PHF21B: variants seen among roughly 807,000 people sequenced by gnomAD.
PHF21B encodes the protein PHD finger protein 4.
PHF21B carries 22 observed loss-of-function variants against 62.2 expected under a neutral mutation model. The observed-to-expected ratio is 0.35, with a 90% CI of 0.25 to 0.51. The LOEUF is 0.51. Ranked by LOEUF, PHF21B falls within the 20% of genes least tolerant of loss-of-function variation. The pLI is 0.97. For missense variants in PHF21B, 701 were observed against 707.9 expected (o/e 0.99, Z 0.11); for synonymous variants, 341 against 314.7 (o/e 1.08, Z -0.88).
intron 2 of PHF21B, among the ~76,000 whole-genome samples, chr22:44,978,018 G>A (rs1298548627): frequency 6.6e-6 from 1 of 152,146 alleles, no homozygotes; most frequent in African/African-American, 2.4e-5. Flanking sequence ...TTTCCTTGCT[G>A]TAGACACAGT....
chr22:44,985,399 G>A (rs1226676136), intron 2 of PHF21B, among the ~76,000 whole-genome samples: 3 of 152,152 alleles, frequency 2.0e-5, no homozygotes, highest in African/African-American at 2.4e-5. Flanking sequence ...GATACATGAA[G>A]AAGTCAAGGC....
chr22:44,905,577 C>T (rs5766175), intron 5 of PHF21B, among the ~76,000 whole-genome samples: 72,959 of 152,070 alleles, frequency 0.48, 19,067 homozygotes, highest in East Asian at 0.73. Context: ...TGAGATCTCG[C>T]ATATGTTAGA....
At chr22:44,982,098 T>G (rs1034768770) in intron 2 of PHF21B, among the ~76,000 whole-genome samples, 1 of 152,174 alleles carries the variant, frequency 6.6e-6, no homozygotes, top group Non-Finnish European at 1.5e-5. Context: ...TAGGGGGTCA[T>G]GGCACACAGG....
chr22:44,890,685 G>A (rs1204389296), intron 8 of PHF21B, among the ~76,000 whole-genome samples: 1 of 152,270 alleles, frequency 6.6e-6, no homozygotes, highest in Non-Finnish European at 1.5e-5. Flanking sequence ...TGAATGCAAG[G>A]ATGTGGCTCC....
intron 5 of PHF21B, among the ~76,000 whole-genome samples, chr22:44,906,116 G>A (rs1569218759): frequency 6.6e-6 from 1 of 152,170 alleles, no homozygotes; most frequent in Non-Finnish European, 1.5e-5. Context: ...AACCAAGGGT[G>A]TGGGTCCCTG....
intron 2 of PHF21B, among the ~76,000 whole-genome samples, chr22:44,929,375 C>T (rs962810243): frequency 2.0e-5 from 3 of 152,222 alleles, no homozygotes; most frequent in Non-Finnish European, 4.4e-5. Flanking sequence ...CCAGACATCC[C>T]GCCTTCATGA....
intron 6 of PHF21B, 96 bp downstream of exon 6, chr22:44,895,936 T>C: frequency 7.3e-7 from 1 of 1,360,660 alleles, no homozygotes; most frequent in Non-Finnish European, 1.0e-6. Context: ...CGGCTGCTGC[T>C]GAAGCCCAGA....
chr22:44,991,229 G>T (rs559127346), intron 2 of PHF21B, among the ~76,000 whole-genome samples: 1 of 152,192 alleles, frequency 6.6e-6, no homozygotes, highest in South Asian at 2.1e-4. Context: ...AGGCAAAAAA[G>T]CTTGATGTGC....
chr22:44,891,109 C>A (rs1221475901), intron 8 of PHF21B, among the ~76,000 whole-genome samples, 197 bp downstream of exon 8: 1 of 152,184 alleles, frequency 6.6e-6, no homozygotes, highest in Non-Finnish European at 1.5e-5. Flanking sequence ...GGCCACAGCT[C>A]CAAGCTCACA....
intron 2 of PHF21B, among the ~76,000 whole-genome samples, chr22:44,945,610 G>C (rs963701759): frequency 3.3e-5 from 5 of 152,108 alleles, no homozygotes; most frequent in African/African-American, 9.7e-5. Context: ...AGGGCAATGA[G>C]TGCCTCCAGA....
intron 2 of PHF21B, among the ~76,000 whole-genome samples, chr22:44,988,864 T>G (rs2072996970): frequency 6.6e-6 from 1 of 152,216 alleles, no homozygotes; most frequent in African/African-American, 2.4e-5. Flanking sequence ...GAAGTCCACG[T>G]GGAGGGCCCC....
intron 2 of PHF21B, among the ~76,000 whole-genome samples, chr22:44,954,659 A>G (rs945759039): frequency 6.6e-6 from 1 of 152,248 alleles, no homozygotes; most frequent in African/African-American, 2.4e-5. Context: ...AGATTCACCA[A>G]GCAGTAATTA....
At chr22:44,923,403 C>A (rs2071572652) in intron 2 of PHF21B, among the ~76,000 whole-genome samples, 1 of 147,844 alleles carries the variant, frequency 6.8e-6, no homozygotes, top group Non-Finnish European at 1.5e-5. Flanking sequence ...ACTGCTCGAA[C>A]AAAATGTCTC....
At chr22:44,902,654 C>T (rs1277380072) in intron 5 of PHF21B, among the ~76,000 whole-genome samples, 1 of 152,094 alleles carries the variant, frequency 6.6e-6, no homozygotes, top group African/African-American at 2.4e-5. Context: ...AGCCACTTAG[C>T]CATCTCTTCC....
At chr22:44,956,990 G>A (rs910687842) in intron 2 of PHF21B, among the ~76,000 whole-genome samples, 2 of 152,180 alleles carry the variant, frequency 1.3e-5, no homozygotes, top group Admixed American at 6.5e-5. Flanking sequence ...CCTCAGTCCT[G>A]GGCTCCATCC....
intron 2 of PHF21B, among the ~76,000 whole-genome samples, chr22:44,967,807 C>A (rs961086978): frequency 6.6e-6 from 1 of 152,164 alleles, no homozygotes; most frequent in Admixed American, 6.5e-5. Flanking sequence ...CATCGCTCTC[C>A]CCAGGCTGCC....
chr22:44,903,623 G>A (rs2071199449), intron 5 of PHF21B, among the ~76,000 whole-genome samples: 1 of 152,210 alleles, frequency 6.6e-6, no homozygotes, highest in African/African-American at 2.4e-5. Flanking sequence ...GTTCAAAACT[G>A]TGTTCTGCAG....
intron 2 of PHF21B, among the ~76,000 whole-genome samples, chr22:44,977,578 A>G (rs2072761004): frequency 6.6e-6 from 1 of 151,294 alleles, no homozygotes; most frequent in African/African-American, 2.4e-5. Flanking sequence ...AAAAAAAAAA[A>G]GGATATCGCT....
intron 2 of PHF21B, among the ~76,000 whole-genome samples, chr22:44,984,122 TC>T (rs2072895451): frequency 7.3e-6 from 1 of 136,840 alleles, no homozygotes; most frequent in Non-Finnish European, 1.6e-5. Flanking sequence ...ATAACCACCA[TC>T]ACCATCATCA....
Sources: gnomAD v4.1 joint callset for allele counts (sites outside exome capture counted in the v4.1 genomes callset) on GRCh38, gnomAD v4.1.1 for gene constraint, MANE v1.5 for transcripts, NCBI Gene and HGNC (gene_info 2026-07-23, HGNC 2026-07-21) for gene names.